The following FRMD7 variants were observed in gnomAD, a reference collection of about 807,000 sequenced individuals.
FRMD7 encodes the protein FERM domain-containing protein 7.
In FRMD7, 14 loss-of-function variants were observed where a neutral mutation model predicts 44.1. The observed-to-expected ratio is 0.32, with a 90% CI of 0.21 to 0.50. FRMD7 has a LOEUF of 0.50. Ranked by LOEUF, FRMD7 falls within the 20% of genes least tolerant of loss-of-function variation. FRMD7 has a pLI of 0.99. For synonymous variants in FRMD7, 212 were observed against 187.4 expected, an observed-to-expected ratio of 1.13 and a Z score of -1.07; for missense variants, 501 against 522.3, an observed-to-expected ratio of 0.96 and a Z score of 0.40.
chrX:132,089,327 A>T (rs900359611), intron 5 of FRMD7, among the ~76,000 whole-genome samples: 8 of 112,073 alleles, frequency 7.1e-5, no homozygotes, highest in Non-Finnish European at 1.3e-4. Flanking sequence ...CCTACCTCAC[A>T]CTATACTCCA....
rs151191750 is a variant in FRMD7 at position 132,122,048 on chromosome X, G to A, written c.57+5740C>T. ...GGGAGCACAGCTCTATTACCTGGAG[G>A]TGGGTTGCAAAATCAAGCATCATCA... is the stretch of plus-strand genomic sequence containing the variant. On this transcript the variant is annotated intron_variant, in intron 1 of 11. Transcript: ENST00000298542. 4.8e-3 allele frequency among the ~76,000 whole-genome samples: 533 copies of A among 111,925 alleles called. 4 individuals carry two copies. Among genetic ancestry groups the A allele is most frequent in the African/African-American group, 0.016 (484 of 30,846 alleles).
intron 4 of FRMD7, among the ~76,000 whole-genome samples, chrX:132,096,582 G>T (rs773491782): frequency 3.2e-5 from 3 of 94,513 alleles, no homozygotes; most frequent in African/African-American, 1.3e-4. Context: ...AAAATTAGCC[G>T]GGCGTGGCGG....
chrX:132,108,356 A>C (rs978549310), intron 1 of FRMD7, among the ~76,000 whole-genome samples: 18 of 111,623 alleles, frequency 1.6e-4, no homozygotes, highest in African/African-American at 5.5e-4. Context: ...ATACAAAAAA[A>C]CCACTGAATT....
intron 1 of FRMD7, 145 bp downstream of exon 1, chrX:132,127,643 C>T: frequency 1.9e-6 from 1 of 532,557 alleles, no homozygotes; most frequent in Non-Finnish European, 3.4e-6. Context: ...ATGTTAAATA[C>T]AGATTATTTT....
chrX:132,121,093 C>A (rs1190331619), intron 1 of FRMD7, among the ~76,000 whole-genome samples: 1 of 111,671 alleles, frequency 9.0e-6, no homozygotes, highest in Non-Finnish European at 1.9e-5. Context: ...ATCGATTGAT[C>A]CCACCTAGCA....
Position 132,078,340 on chromosome X carries a change from A to G in FRMD7, c.1677T>C (p.Gly559=). The change falls in exon 12 of 12, where the codon GGT becomes GGC. Residue 559 remains glycine (G), a synonymous_variant. Transcript: ENST00000298542. ...CTAGACCTACATTGATGTTGCTCCT[A>G]CCGCTAGTCCTGGCTATAGCTTCTT... ...VLQEAIARTS[G]RSNINVGLEE... is the part of the protein sequence containing the mutation. 1 of 1,211,441 alleles carries G rather than the reference A, an allele frequency of 8.3e-7. No individual in the cohort carries two copies. Among genetic ancestry groups the G allele is most frequent in the Non-Finnish European group, 1.1e-6 (1 of 895,136 alleles).
chrX:132,078,282 C>A lies in FRMD7; in HGVS notation c.1735G>T (p.Val579Leu), dbSNP rs1029569386. 1 of 1,211,483 alleles carries A rather than the reference C, an allele frequency of 8.3e-7. No homozygotes were observed. The highest frequency in any genetic ancestry group is 1.7e-5 in the African/African-American group (1 of 57,844). Residue 579 changes from valine to leucine, a missense_variant, in exon 12 of 12, where the codon GTA becomes TTA. Coordinates refer to ENST00000298542, the MANE Select transcript of FRMD7 (RefSeq NM_194277.3). ...EEDPNLEDAF[V>L]CNIQEQTPKR... ...GGGGTTTGCTCTTGAATGTTACATA[C>A]AAATGCATCTTCCAAATTTGGGTCT...
At chrX:132,124,470 A>T (rs941850543) in intron 1 of FRMD7, among the ~76,000 whole-genome samples, 4 of 111,817 alleles carry the variant, frequency 3.6e-5, no homozygotes, top group Non-Finnish European at 7.5e-5. Flanking sequence ...TCTTCATTGG[A>T]TTGTACTTTA....
At chrX:132,102,029 A>G (rs997586396) in intron 1 of FRMD7, among the ~76,000 whole-genome samples, 2 of 111,266 alleles carry the variant, frequency 1.8e-5, no homozygotes, top group Non-Finnish European at 3.8e-5. Flanking sequence ...GCGCGGGGAA[A>G]TGTAGTTGGA....
chrX:132,107,634 G>GAGAGAGAGAGAGA lies in FRMD7; in HGVS notation c.58-6919_58-6918insTCTCTCTCTCTCT, dbSNP rs1928681190. On this transcript the variant is annotated intron_variant, in intron 1 of 11. Transcript: ENST00000298542. Reference sequence around the variant, plus strand: ...GAGAGAGAGAGAGAGAGAGAGAGAGGGAGGGAGAATCTTCCTCTTCTTATA... The same window carrying GAGAGAGAGAGAGA: ...GAGAGAGAGAGAGAGAGAGAGAGAGGAGAGAGAGAGAGAGAGGGAGAATCTTCCTCTTCTTATA... Among the ~76,000 whole-genome samples, 96 of 66,307 alleles carry GAGAGAGAGAGAGA rather than the reference G, an allele frequency of 1.4e-3. No individual in the cohort carries two copies. The Middle Eastern group carries it at 0.03, about 21-fold the overall frequency. 57.6% of individuals were successfully genotyped at this position (66,307 alleles called of 115,157 possible). A position where few individuals can be genotyped will look rare whatever the true frequency, so the allele number is the denominator to read the frequency against.
chrX:132,089,071 T>A (rs934306284), intron 5 of FRMD7, among the ~76,000 whole-genome samples: 2 of 112,007 alleles, frequency 1.8e-5, no homozygotes, highest in African/African-American at 3.2e-5. Flanking sequence ...TTGGGCAATG[T>A]GTACACTTCC....
In FRMD7 at chrX:132,077,076, A is replaced by G. The variant is rs1927625229; in HGVS notation, c.*796T>C. ...ATTTCCTGGCCTGCATACATGCAAG[A>G]AGCTATGACAAAAAATAAATTCTGG... On this transcript the variant is annotated 3_prime_UTR_variant, in exon 12 of 12. Transcript: ENST00000298542. The G allele has an allele frequency of 8.9e-6, 1 of 112,360 alleles. No individual in the cohort carries two copies. The highest frequency in any genetic ancestry group is 3.7e-4 in the South Asian group (1 of 2,735). The allele number at this position is 112,360 out of a possible 1,213,427, so 9.3% of individuals were successfully genotyped here. A position where few individuals can be genotyped will look rare whatever the true frequency, so the allele number is the denominator to read the frequency against.
At chrX:132,082,576 G>A in intron 8 of FRMD7, 50 bp from the exon 9 acceptor site, 1 of 1,075,500 alleles carries the variant, frequency 9.3e-7, no homozygotes, top group East Asian at 3.0e-5. Flanking sequence ...GAATATCAAA[G>A]ACCTTCAAAT....
At chrX:132,118,616 A>G (rs1226898186) in intron 1 of FRMD7, among the ~76,000 whole-genome samples, 1 of 111,241 alleles carries the variant, frequency 9.0e-6, no homozygotes, top group Non-Finnish European at 1.9e-5. Context: ...CATCTGCACA[A>G]AAGCATCTGA....
intron 9 of FRMD7, 126 bp from the exon 10 acceptor site, chrX:132,080,392 C>T (rs900242876): frequency 1.3e-5 from 7 of 523,182 alleles, no homozygotes; most frequent in Non-Finnish European, 2.4e-5. Flanking sequence ...GAATCTTTGA[C>T]CATCACAATG....
intron 1 of FRMD7, among the ~76,000 whole-genome samples, chrX:132,105,148 A>G (rs1377288967): frequency 8.9e-6 from 1 of 111,869 alleles, no homozygotes; most frequent in South Asian, 3.8e-4. Context: ...ACTGGAAATC[A>G]TCGATGACAG....
At position 132,078,655 on chromosome X, in the gene FRMD7, A is replaced by T; in HGVS notation, c.1362T>A (p.Gly454=). ...GGCCAGAATATATGCTCATGTGATT[A>T]CCAGAAAACTTACAGCTTGTTTGGA... The part of the protein sequence containing the change: ...SSFQTSCKFS[G]NHMSIYSGLT... Residue 454 remains glycine, a synonymous_variant, in exon 12 of 12, where the codon GGT becomes GGA. Coordinates refer to ENST00000298542, the MANE Select transcript of FRMD7 (RefSeq NM_194277.3). The T allele has an allele frequency of 8.3e-7, 1 of 1,211,771 alleles. No individual in the cohort carries two copies. Among genetic ancestry groups the T allele is most frequent in the East Asian group, 3.0e-5 (1 of 33,866 alleles).
At chrX:132,105,783 G>A (rs1447217774) in intron 1 of FRMD7, among the ~76,000 whole-genome samples, 1 of 111,867 alleles carries the variant, frequency 8.9e-6, no homozygotes, top group Non-Finnish European at 1.9e-5. Flanking sequence ...TCAATAAATG[G>A]TGCCTGAATA....
At position 132,097,332 on chromosome X, in the gene FRMD7, A is replaced by C. The variant is rs746095773; in HGVS notation, c.218T>G (p.Ile73Ser). Residue 73 changes from isoleucine to serine, a missense_variant, in exon 4 of 12, where the codon ATT becomes AGT. This residue lies in a region of FRMD7 where 24 missense variants were observed against 48.0 expected (regional missense o/e 0.50). Coordinates refer to ENST00000298542, the MANE Select transcript of FRMD7 (RefSeq NM_194277.3). The part of the protein sequence containing the change: ...ITKQVKNPKE[I>S]VFKFMVKFFP... Reference sequence around the variant, plus strand: ...AAATTTCACCATAAATTTGAAAACAATCTCCTTAGGATCTTAAAACACAAT... The same window carrying C: ...AAATTTCACCATAAATTTGAAAACACTCTCCTTAGGATCTTAAAACACAAT... 8.6e-6 allele frequency: 10 copies of C among 1,167,822 alleles called. No homozygotes were observed. The South Asian group carries it at 1.8e-4, about 21-fold the overall frequency.
Sources: gnomAD v4.1 joint callset for allele counts (sites outside exome capture counted in the v4.1 genomes callset) on GRCh38, gnomAD v4.1.1 for gene constraint, gnomAD v4.1.1 regional missense constraint, MANE v1.5 for transcripts, NCBI Gene and HGNC (gene_info 2026-07-23, HGNC 2026-07-21) for gene names.